Variants in ZFHX3 observed in about 807,000 individuals in gnomAD.
The protein encoded by ZFHX3 is zinc finger homeobox protein 3.
Under a neutral mutation model 279.1 loss-of-function variants are expected in ZFHX3, and 42 were observed. That is an observed-to-expected ratio of 0.15 (90% CI 0.12 to 0.19). The LOEUF is 0.19. Ranked by LOEUF, ZFHX3 falls within the 10% of genes least tolerant of loss-of-function variation. The pLI, the probability that ZFHX3 is intolerant of heterozygous loss-of-function variation, is 1.00. For synonymous variants in ZFHX3, 2,293 were observed against 1,957.8 expected, an observed-to-expected ratio of 1.17 and a Z score of -4.52; for missense variants, 4,981 against 4,754.0, an observed-to-expected ratio of 1.05 and a Z score of -1.40.
intron 3 of ZFHX3, among the ~76,000 whole-genome samples, chr16:73,435,301 CG>C (rs200817339): frequency 0.014 from 2,148 of 152,248 alleles, 12 homozygotes; most frequent in Middle Eastern, 0.02. Context: ...CTCCACCTCC[CG>C]GGTTCAAGTG....
At chr16:72,875,173 AGAATTCCCATAGGGAACTCCCATAGG>A (rs1475833965) in intron 4 of ZFHX3, among the ~76,000 whole-genome samples, 1 of 152,194 alleles carries the variant, frequency 6.6e-6, no homozygotes, top group Non-Finnish European at 1.5e-5. Flanking sequence ...ACTCCCATAG[AGAATTCCCATAGGGAACTCCCATAGG>A]GAATTCCAAA....
Position 73,870,618 on chromosome 16 carries a change from C to T in ZFHX3, c.-1608+21033G>A, listed in dbSNP as rs370255235. Among the ~76,000 whole-genome samples, 6 of 152,322 alleles carry T rather than the reference C, an allele frequency of 3.9e-5. No homozygotes were observed. The East Asian group carries it at 1.2e-3, about 29-fold the overall frequency. ...CATTTGCAAAGCGTCTGAGAGCACACTCCTCTTCCTTCTCTGTGCTCAAAA... is the reference window on the plus strand; with the variant it reads ...CATTTGCAAAGCGTCTGAGAGCACATTCCTCTTCCTTCTCTGTGCTCAAAA... On this transcript the variant is annotated intron_variant, in intron 1 of 17. Transcript: ENST00000641206.
chr16:73,332,624 T>C, intron 3 of ZFHX3, among the ~76,000 whole-genome samples: 1 of 152,244 alleles, frequency 6.6e-6, no homozygotes, highest in East Asian at 1.9e-4. Context: ...TGCTGGCATG[T>C]AAGAATATTA....
At chr16:73,595,690 G>T (rs189251784) in intron 2 of ZFHX3, among the ~76,000 whole-genome samples, 1 of 151,962 alleles carries the variant, frequency 6.6e-6, no homozygotes, top group Non-Finnish European at 1.5e-5. Context: ...GTCACTTTAC[G>T]GGTATCTCTT....
At chr16:73,401,610 C>T (rs1317440110) in intron 3 of ZFHX3, 4 of 152,114 alleles carry the variant, frequency 2.6e-5, no homozygotes. Context: ...AAAATGGAGG[C>T]ACAAAGCCCA....
intron 1 of ZFHX3, among the ~76,000 whole-genome samples, chr16:73,847,972 A>G (rs1361059727): frequency 7.2e-6 from 1 of 137,942 alleles, no homozygotes; most frequent in Non-Finnish European, 1.5e-5. Context: ...TATTGGCCAG[A>G]CTGGTCTCAA....
At chr16:72,850,671 T>C (rs1339983140) in intron 4 of ZFHX3, among the ~76,000 whole-genome samples, 2 of 152,092 alleles carry the variant, frequency 1.3e-5, no homozygotes, top group African/African-American at 4.8e-5. Context: ...GCCCACAGCT[T>C]TGGGAGGAAA....
At chr16:73,224,393 T>C (rs1597229092) in intron 5 of ZFHX3, among the ~76,000 whole-genome samples, 2 of 152,334 alleles carry the variant, frequency 1.3e-5, no homozygotes, top group African/African-American at 4.8e-5. Flanking sequence ...ATAAAATAGT[T>C]GGAGGTTTTT....
intron 4 of ZFHX3, among the ~76,000 whole-genome samples, chr16:73,312,537 C>T (rs572786036): frequency 1.3e-4 from 20 of 152,268 alleles, no homozygotes; most frequent in African/African-American, 4.3e-4. Flanking sequence ...GAGAGAGCAG[C>T]GATGCTACTC....
intron 2 of ZFHX3, among the ~76,000 whole-genome samples, chr16:73,457,674 C>G (rs2018397174): frequency 6.6e-6 from 1 of 152,216 alleles, no homozygotes; most frequent in Admixed American, 6.5e-5. Context: ...CCTGGGAAGG[C>G]TGAGGCATGA....
intron 2 of ZFHX3, among the ~76,000 whole-genome samples, chr16:73,526,129 A>G (rs2019688636): frequency 1.3e-5 from 2 of 152,240 alleles, no homozygotes; most frequent in African/African-American, 2.4e-5. Context: ...TTGCCGCACA[A>G]TGGCCAGCGT....
chr16:73,265,643 G>A (rs1217770164), intron 4 of ZFHX3, among the ~76,000 whole-genome samples: 2 of 152,170 alleles, frequency 1.3e-5, no homozygotes, highest in Non-Finnish European at 2.9e-5. Flanking sequence ...GGAAATCTGT[G>A]TCATCGCCTG....
chr16:73,820,031 T>G (rs1313487038), intron 1 of ZFHX3, among the ~76,000 whole-genome samples: 1 of 152,168 alleles, frequency 6.6e-6, no homozygotes, highest in South Asian at 2.1e-4. Flanking sequence ...TCTCCTTGAA[T>G]CTGGGTGGCC....
intron 2 of ZFHX3, among the ~76,000 whole-genome samples, chr16:73,627,935 A>AAAGAG (rs1289514600): frequency 6.6e-6 from 1 of 152,148 alleles, no homozygotes. Flanking sequence ...AAAGAAAAGA[A>AAAGAG]AACAGCTGTT....
chr16:72,904,852 A>G (rs1403351933), intron 3 of ZFHX3, among the ~76,000 whole-genome samples: 1 of 152,006 alleles, frequency 6.6e-6, no homozygotes. Context: ...TCTTTCTGAG[A>G]TGGGAGTCTC....
chr16:72,966,247 G>A (rs1961832681), intron 1 of ZFHX3, among the ~76,000 whole-genome samples: 2 of 152,108 alleles, frequency 1.3e-5, no homozygotes, highest in Admixed American at 1.3e-4. Flanking sequence ...CTCAACGGTG[G>A]AATCAAGACT....
chr16:73,313,612 C>T (rs1034779909), intron 4 of ZFHX3, among the ~76,000 whole-genome samples: 2 of 152,196 alleles, frequency 1.3e-5, no homozygotes, highest in Admixed American at 6.5e-5. Flanking sequence ...AAACCTGGCA[C>T]TTCAGACTCC....
chr16:73,812,387 G>C (rs2142338048), intron 1 of ZFHX3, among the ~76,000 whole-genome samples: 1 of 152,202 alleles, frequency 6.6e-6, no homozygotes, highest in Middle Eastern at 3.4e-3. Context: ...TACACTGCTT[G>C]TCCTCCTATA....
chr16:72,882,538 G>A (rs376226497), intron 4 of ZFHX3, among the ~76,000 whole-genome samples: 1 of 152,122 alleles, frequency 6.6e-6, no homozygotes, highest in Admixed American at 6.6e-5. Flanking sequence ...GCAAGTCCTG[G>A]AACAGCCAGC....
Sources: gnomAD v4.1 joint callset for allele counts (sites outside exome capture counted in the v4.1 genomes callset) on GRCh38, gnomAD v4.1.1 for gene constraint, MANE v1.5 for transcripts, NCBI Gene and HGNC (gene_info 2026-07-23, HGNC 2026-07-21) for gene names.